Variants in UNC5B observed in about 807,000 individuals in gnomAD.
UNC5B encodes the protein unc-5 netrin receptor B.
Under a neutral mutation model 103.7 loss-of-function variants are expected in UNC5B, and 56 were observed. The observed-to-expected ratio is 0.54, with a 90% CI of 0.44 to 0.67. The LOEUF (loss-of-function observed/expected upper bound fraction) is 0.67. Ranked by LOEUF, UNC5B falls within the 30% of genes least tolerant of loss-of-function variation. UNC5B has a pLI of 0.00. For synonymous variants in UNC5B, 577 were observed against 542.0 expected, an observed-to-expected ratio of 1.06 and a Z score of -0.90; for missense variants, 1,194 against 1,284.5, an observed-to-expected ratio of 0.93 and a Z score of 1.08.
chr10:71,297,854 G>A, intron 15 of UNC5B, 55 bp from the exon 16 acceptor site: 4 of 1,542,968 alleles, frequency 2.6e-6, no homozygotes, highest in Non-Finnish European at 3.5e-6. Flanking sequence ...GAGGGAGGCT[G>A]GAGGGCAGAT....
chr10:71,271,471 G>A lies in UNC5B; in HGVS notation c.80-8350G>A, dbSNP rs75100939. Among the ~76,000 whole-genome samples the A allele has an allele frequency of 7.8e-3, 1,194 of 152,282 alleles. 11 individuals carry two copies. The highest frequency in any genetic ancestry group is 0.023 in the African/African-American group (963 of 41,562). On this transcript the variant is annotated intron_variant, in intron 1 of 16. Coordinates refer to ENST00000335350, the MANE Select transcript of UNC5B (RefSeq NM_170744.5). Reference sequence around the variant, plus strand: ...AGGCCTCCATCACAGTGACCCCATCGGACCTGAAACTTGGAAAAGGAACCA... The same window carrying A: ...AGGCCTCCATCACAGTGACCCCATCAGACCTGAAACTTGGAAAAGGAACCA...
intron 1 of UNC5B, among the ~76,000 whole-genome samples, chr10:71,258,547 G>A (rs1589171207): frequency 1.3e-5 from 2 of 152,160 alleles, no homozygotes; most frequent in Non-Finnish European, 2.9e-5. Flanking sequence ...GCTTCTTCTG[G>A]AACCTCCACT....
At position 71,212,940 on chromosome 10, in the gene UNC5B, G is replaced by A; in HGVS notation, c.-46G>A. 7.9e-7 allele frequency: 1 copy of A among 1,266,972 alleles called. No individual in the cohort carries two copies. The highest frequency in any genetic ancestry group is 1.0e-6 in the Non-Finnish European group (1 of 1,002,928). The allele number at this position is 1,266,972 out of a possible 1,614,324, so 78.5% of individuals were successfully genotyped here. On this transcript the variant is annotated 5_prime_UTR_variant, in exon 1 of 17. Coordinates refer to ENST00000335350, the MANE Select transcript of UNC5B (RefSeq NM_170744.5). The stretch of plus-strand genomic sequence containing the variant: ...GACGGCGGCGGCGAGACTGGGGCCA[G>A]GGAGACAGCCCTGGGGGAGAGGCGC...
rs1412241827 is a variant in UNC5B, at chr10:71,291,676, C to T, written c.1539C>T (p.Ser513=). The T allele has an allele frequency of 1.9e-6, 3 of 1,613,518 alleles. No individual in the cohort carries two copies. Among genetic ancestry groups the T allele is most frequent in the East Asian group, 2.2e-5 (1 of 44,894 alleles). The part of the protein sequence containing the change: ...LGVLPPGTYP[S]DFARDTHFLH... ...TCTTGCCGCCTGGCACATACCCTAG[C>T]GATTTCGCCCGGGACACCCACTTCC... The change falls in exon 10 of 17, where the codon AGC becomes AGT. Residue 513 remains serine, a synonymous_variant. Transcript: ENST00000335350.
chr10:71,243,647 C>G (rs977840599), intron 1 of UNC5B, among the ~76,000 whole-genome samples: 1 of 152,164 alleles, frequency 6.6e-6, no homozygotes, highest in Non-Finnish European at 1.5e-5. Context: ...GCTTGGGAAG[C>G]CTTCGCCACC....
chr10:71,268,627 G>T (rs909378345), intron 1 of UNC5B, among the ~76,000 whole-genome samples: 2 of 152,208 alleles, frequency 1.3e-5, no homozygotes, highest in African/African-American at 4.8e-5. Context: ...AATGTGTTTG[G>T]CAGTTGCCTC....
chr10:71,278,239 G>A (rs918550976), intron 1 of UNC5B, among the ~76,000 whole-genome samples: 14 of 152,164 alleles, frequency 9.2e-5, no homozygotes, highest in Non-Finnish European at 2.1e-4. Context: ...TTGTTCGTTC[G>A]ATGCAGCAAC....
rs117325739 is a variant in UNC5B at position 71,284,206 on chromosome 10, G to A, written c.305-514G>A. 1.4e-4 allele frequency among the ~76,000 whole-genome samples: 21 copies of A among 152,196 alleles called. No individual in the cohort carries two copies. In the East Asian group the frequency reaches 2.9e-3, roughly 21 times the overall value. On this transcript the variant is annotated intron_variant, in intron 2 of 16. Transcript: ENST00000335350. ...TTTCCTCGGGAAGTGAGGCTGATCC[G>A]AAATCTGGCAGGGACTGGGAGGCCA...
At chr10:71,229,680 T>C (rs1205955657) in intron 1 of UNC5B, among the ~76,000 whole-genome samples, 5 of 152,184 alleles carry the variant, frequency 3.3e-5, no homozygotes, top group Admixed American at 3.3e-4. Context: ...GGCATCTCCC[T>C]CTCACTTCCC....
At position 71,227,606 on chromosome 10, in the gene UNC5B, A is replaced by ATATACATATG. The variant is rs1325280021; in HGVS notation, c.79+14551_79+14552insGTATACATAT. Among the ~76,000 whole-genome samples the ATATACATATG allele has an allele frequency of 3.0e-4, 36 of 119,302 alleles. 1 individual carries two copies. The highest frequency in any genetic ancestry group is 1.3e-3 in the African/African-American group (34 of 27,064). The allele number at this position is 119,302 out of a possible 152,430, so 78.3% of individuals were successfully genotyped here. A position where few individuals can be genotyped will look rare whatever the true frequency, so the allele number is the denominator to read the frequency against. On this transcript the variant is annotated intron_variant, in intron 1 of 16. Transcript: ENST00000335350. ...AAAAATAAATTTTGTATACATACAT[A>ATATACATATG]TATACATATATATACATATATACAT...
At chr10:71,233,433 G>A (rs115852085) in intron 1 of UNC5B, among the ~76,000 whole-genome samples, 2,443 of 152,278 alleles carry the variant, frequency 0.016, 60 homozygotes, top group African/African-American at 0.053. Flanking sequence ...ATAACAGCCC[G>A]GAAGATGCTG....
chr10:71,234,300 C>T (rs74145372), intron 1 of UNC5B, among the ~76,000 whole-genome samples: 2,205 of 152,284 alleles, frequency 0.014, 55 homozygotes, highest in African/African-American at 0.051. Flanking sequence ...GGGGCCCTCA[C>T]GGAGATGAGG....
chr10:71,244,969 G>A (rs1410041958), intron 1 of UNC5B, among the ~76,000 whole-genome samples: 4 of 152,242 alleles, frequency 2.6e-5, no homozygotes, highest in African/African-American at 9.6e-5. Context: ...GCTCCGTGCA[G>A]TGCATGTGTG....
At chr10:71,294,079 C>G in intron 13 of UNC5B, 146 bp downstream of exon 13, 1 of 728,626 alleles carries the variant, frequency 1.4e-6, no homozygotes, top group South Asian at 1.9e-5. Flanking sequence ...CCCTCACACA[C>G]TGAAACAGCC....
intron 1 of UNC5B, among the ~76,000 whole-genome samples, chr10:71,219,362 G>A (rs2132236019): frequency 6.6e-6 from 1 of 152,306 alleles, no homozygotes; most frequent in South Asian, 2.1e-4. Context: ...TGGCTGAGGA[G>A]CAAGGAGAGC....
In UNC5B at chr10:71,289,137, G is replaced by C. The variant is rs565131337; in HGVS notation, c.1099+147G>C. 11 of 1,083,690 alleles carry C rather than the reference G, an allele frequency of 1.0e-5. No homozygotes were observed. In the African/African-American group the frequency reaches 1.7e-4, roughly 17 times the overall value. 67.1% of individuals were successfully genotyped at this position (1,083,690 alleles called of 1,614,324 possible). ...GGATCATCTACACCTGACACTGCAT[G>C]TGTCTGCATCTCCATCACCGGCAGA... is the stretch of plus-strand genomic sequence containing the variant. On this transcript the variant is annotated intron_variant, in intron 8 of 16. Transcript: ENST00000335350.
chr10:71,244,142 G>T (rs1348672919), intron 1 of UNC5B, among the ~76,000 whole-genome samples: 1 of 152,238 alleles, frequency 6.6e-6, no homozygotes, highest in Non-Finnish European at 1.5e-5. Flanking sequence ...GCAACACAAG[G>T]TTCCTGCCCT....
chr10:71,286,927 TG>T (rs1382350925), intron 5 of UNC5B, 58 bp downstream of exon 5: 1 of 1,586,112 alleles, frequency 6.3e-7, no homozygotes, highest in Non-Finnish European at 8.6e-7. Context: ...GGAGAGAGCC[TG>T]GGGGTAGGGG....
intron 1 of UNC5B, among the ~76,000 whole-genome samples, chr10:71,222,453 A>G (rs1241113998): frequency 6.6e-6 from 1 of 152,218 alleles, no homozygotes; most frequent in African/African-American, 2.4e-5. Context: ...GAACACACAC[A>G]TATACAGTCT....
Sources: allele counts gnomAD v4.1 joint callset (sites outside exome capture counted in the v4.1 genomes callset), GRCh38; gene constraint gnomAD v4.1.1; transcripts MANE v1.5; gene names NCBI Gene and HGNC (gene_info 2026-07-23, HGNC 2026-07-21).